Variants in PCDHA3 observed in about 807,000 individuals in gnomAD.
PCDHA3 encodes protocadherin alpha 3, also known as protocadherin alpha-3.
In PCDHA3, 41 loss-of-function variants were observed where a neutral mutation model predicts 62.2. The ratio of observed to expected loss-of-function variants is 0.66; its 90% CI spans 0.51 to 0.86. The LOEUF is 0.86. PCDHA3 is among the 40% of genes least tolerant of loss of function. The pLI, the probability that PCDHA3 is intolerant of heterozygous loss-of-function variation, is 0.00. For synonymous variants in PCDHA3, 640 were observed against 555.4 expected, an observed-to-expected ratio of 1.15 and a Z score of -2.14; for missense variants, 1,304 against 1,241.2, an observed-to-expected ratio of 1.05 and a Z score of -0.76.
At position 140,858,014 on chromosome 5, in the gene PCDHA3, C is replaced by T. The variant is rs782738271; in HGVS notation, c.2394+54423C>T. 5 of 1,596,754 alleles carry T rather than the reference C, an allele frequency of 3.1e-6. No homozygotes were observed. Among genetic ancestry groups the T allele is most frequent in the African/African-American group, 1.3e-5 (1 of 74,296 alleles). ...GGTGCTGGTGAAGGACCATGGCGAG[C>T]CGTCGCTGACGGCCACGGCCACTGT... On this transcript the variant is annotated intron_variant, in intron 1 of 3. Coordinates refer to ENST00000522353, the MANE Select transcript of PCDHA3 (RefSeq NM_018906.3).
In PCDHA3 at chr5:140,870,774, G is replaced by T. The variant is rs782539037; in HGVS notation, c.2394+67183G>T. The T allele has an allele frequency of 2.9e-5, 47 of 1,613,632 alleles. 1 individual carries two copies. The South Asian group carries it at 3.8e-4, about 13-fold the overall frequency. On this transcript the variant is annotated intron_variant, in intron 1 of 3. Coordinates refer to ENST00000522353, the MANE Select transcript of PCDHA3 (RefSeq NM_018906.3). ...CGCTGCAGGTGTTCGTGCTGGACGA[G>T]AACGACAACGCGCCGGCACTGCTGG...
At chr5:140,829,006 G>T (rs1461525244) in intron 1 of PCDHA3, 12 of 1,613,634 alleles carry the variant, frequency 7.4e-6, no homozygotes, top group Non-Finnish European at 1.0e-5. Flanking sequence ...TAGTGATTCG[G>T]GGTAATTTGG....
Position 140,802,709 on chromosome 5 carries a change from G to A in PCDHA3, c.1512G>A (p.Leu504=), listed in dbSNP as rs781966915. 27 of 1,612,426 alleles carry A rather than the reference G, an allele frequency of 1.7e-5. No homozygotes were observed. The Admixed American group carries it at 4.2e-4, about 25-fold the overall frequency. The change falls in exon 1 of 4, where the codon CTG becomes CTA. Residue 504 remains leucine (L), a synonymous_variant. Coordinates refer to ENST00000522353, the MANE Select transcript of PCDHA3 (RefSeq NM_018906.3). ...AACGGCGGGTGGGGGAGCGCGCGCT[G>A]TCGAGCTACGTGTCGGTACACGCGG... ...LVERRVGERA[L]SSYVSVHAES...
intron 3 of PCDHA3, among the ~76,000 whole-genome samples, chr5:141,006,902 A>T (rs1563704110): frequency 6.6e-6 from 1 of 152,218 alleles, no homozygotes; most frequent in Non-Finnish European, 1.5e-5. Context: ...AGATTTCTTC[A>T]GTTTGGGATG....
intron 1 of PCDHA3, chr5:140,854,017 C>T (rs2042943793): frequency 5.7e-6 from 2 of 349,696 alleles, no homozygotes; most frequent in South Asian, 2.3e-4. Flanking sequence ...AAAAAATTAG[C>T]CGGGCATGGT....
At chr5:140,941,222 T>TCTTC (rs2092907237) in intron 1 of PCDHA3, among the ~76,000 whole-genome samples, 2 of 116,858 alleles carry the variant, frequency 1.7e-5, no homozygotes, top group Non-Finnish European at 3.8e-5. Flanking sequence ...TTCCTTTCTT[T>TCTTC]CTTTCTTTCT....
At chr5:140,843,312 C>T (rs2150357141) in intron 1 of PCDHA3, 1 of 1,596,048 alleles carries the variant, frequency 6.3e-7, no homozygotes, top group Non-Finnish European at 8.6e-7. Context: ...GCCACGGCCA[C>T]GGTTCTGGTG....
intron 1 of PCDHA3, chr5:140,843,004 C>G (rs782142006): frequency 6.3e-7 from 1 of 1,595,032 alleles, no homozygotes; most frequent in Non-Finnish European, 8.6e-7. Flanking sequence ...AGAATGACAA[C>G]GCGCCGGCAC....
intron 1 of PCDHA3, among the ~76,000 whole-genome samples, chr5:140,975,576 C>G (rs1170899911): frequency 6.6e-6 from 1 of 152,208 alleles, no homozygotes; most frequent in Non-Finnish European, 1.5e-5. Flanking sequence ...TATATGCAGT[C>G]TCATGTCCCA....
chr5:140,806,282 T>C (rs1198012789), intron 1 of PCDHA3, among the ~76,000 whole-genome samples: 1 of 152,120 alleles, frequency 6.6e-6, no homozygotes, highest in African/African-American at 2.4e-5. Flanking sequence ...TTGGCTAAAA[T>C]ATATAAGCAC....
chr5:140,955,726 C>T (rs934215613), intron 1 of PCDHA3, among the ~76,000 whole-genome samples: 1 of 152,264 alleles, frequency 6.6e-6, no homozygotes, highest in East Asian at 1.9e-4. Context: ...ACCATTGAAT[C>T]TATAAATTAC....
chr5:140,917,746 G>T (rs1200600528), intron 1 of PCDHA3, among the ~76,000 whole-genome samples: 2 of 152,122 alleles, frequency 1.3e-5, no homozygotes, highest in Non-Finnish European at 2.9e-5. Context: ...CTGTCCCATT[G>T]GTCTATGTGT....
At chr5:140,841,195 T>A (rs1777082025) in intron 1 of PCDHA3, 13 of 1,267,354 alleles carry the variant, frequency 1.0e-5, no homozygotes, top group Non-Finnish European at 1.4e-5. Context: ...GTCTTTTCTC[T>A]GACAGCATCT....
chr5:140,911,165 G>A (rs931843921), intron 1 of PCDHA3, among the ~76,000 whole-genome samples: 3 of 152,178 alleles, frequency 2.0e-5, no homozygotes, highest in Non-Finnish European at 4.4e-5. Context: ...AATGTGGAAA[G>A]GCTGATGGCA....
intron 1 of PCDHA3, chr5:140,883,644 A>C (rs2059725253): frequency 1.2e-6 from 2 of 1,613,018 alleles, no homozygotes; most frequent in Non-Finnish European, 1.7e-6. Flanking sequence ...GCGCAGCCCG[A>C]GTACACGGTG....
intron 1 of PCDHA3, among the ~76,000 whole-genome samples, chr5:140,944,016 A>G (rs2093596830): frequency 6.6e-6 from 1 of 152,182 alleles, no homozygotes; most frequent in Non-Finnish European, 1.5e-5. Flanking sequence ...CCCAAAAGCA[A>G]TTATCTTCAA....
At chr5:140,908,013 G>A (rs2073743163) in intron 1 of PCDHA3, among the ~76,000 whole-genome samples, 1 of 152,070 alleles carries the variant, frequency 6.6e-6, no homozygotes, top group Non-Finnish European at 1.5e-5. Context: ...CAAACCACTG[G>A]CTACAGCCCA....
chr5:140,869,934 A>ATTTTTTTTC, intron 1 of PCDHA3: 1 of 1,612,052 alleles, frequency 6.2e-7, no homozygotes, highest in African/African-American at 1.3e-5. Context: ...ATGGAGAGGT[A>ATTTTTTTTC]ACATACTCCT....
intron 1 of PCDHA3, among the ~76,000 whole-genome samples, chr5:140,942,855 A>G (rs1323763970): frequency 6.6e-6 from 1 of 152,110 alleles, no homozygotes; most frequent in African/African-American, 2.4e-5. Flanking sequence ...TAAGATGATT[A>G]TTTTGCTTTA....
Sources: gnomAD v4.1 joint callset for allele counts (sites outside exome capture counted in the v4.1 genomes callset) on GRCh38, gnomAD v4.1.1 for gene constraint, MANE v1.5 for transcripts, NCBI Gene and HGNC (gene_info 2026-07-23, HGNC 2026-07-21) for gene names.